OR10J1: variants seen among roughly 807,000 people sequenced by gnomAD.
OR10J1 encodes the protein olfactory receptor 10J1.
For synonymous variants in OR10J1, 202 were observed against 143.8 expected (o/e 1.40, Z -2.89); for missense variants, 474 against 376.6 (o/e 1.26, Z -2.14).
At chr1:159,426,425 G>A in the OR10J1 span, among the ~76,000 whole-genome samples, 2 of 151,744 alleles carry the variant, frequency 1.3e-5, no homozygotes, top group Non-Finnish European at 3.0e-5. Context: ...ATTATTTAAA[G>A]TGAAAACAAC....
At chr1:159,416,352 T>G in the OR10J1 span, among the ~76,000 whole-genome samples, 3 of 152,148 alleles carry the variant, frequency 2.0e-5, no homozygotes, top group Non-Finnish European at 4.4e-5. Context: ...TCAGGTATGA[T>G]CTTTCTTTGC....
At chr1:159,433,207 A>T, upstream of OR10J1, 1 of 397,636 alleles carries the variant, frequency 2.5e-6, no homozygotes, top group Non-Finnish European at 4.4e-6. Context: ...AGGGACAATA[A>T]GATGAGAGAT....
the OR10J1 span, among the ~76,000 whole-genome samples, chr1:159,417,473 A>G: frequency 5.7e-3 from 874 of 152,282 alleles, 6 homozygotes; most frequent in African/African-American, 0.02. Context: ...ATAATAGTGA[A>G]TAAGTCTTAC....
the OR10J1 span, among the ~76,000 whole-genome samples, chr1:159,431,399 G>A: frequency 5.2e-3 from 787 of 152,282 alleles, 11 homozygotes; most frequent in African/African-American, 0.017. Flanking sequence ...CAGGAGAATG[G>A]TCCTCTCTTG....
chr1:159,406,745 G>A, the OR10J1 span, among the ~76,000 whole-genome samples: 1 of 152,128 alleles, frequency 6.6e-6, no homozygotes, highest in African/African-American at 2.4e-5. Context: ...CTTAATCTGA[G>A]CCTTTGATGA....
At chr1:159,400,753 A>T in the OR10J1 span, among the ~76,000 whole-genome samples, 3 of 151,926 alleles carry the variant, frequency 2.0e-5, no homozygotes, top group Non-Finnish European at 4.4e-5. Context: ...CTTATTCTGC[A>T]CTATAGACCA....
the OR10J1 span, among the ~76,000 whole-genome samples, chr1:159,430,534 A>T: frequency 6.6e-6 from 1 of 152,092 alleles, no homozygotes; most frequent in African/African-American, 2.4e-5. Context: ...GTTGGAAGAG[A>T]AGTGAGTATG....
rs1482907630 is a variant in OR10J1, at chr1:159,439,945, G to T, written c.154G>T (p.Asp52Tyr). Residue 52 changes from aspartate to tyrosine, a missense_variant, in exon 1 of 1, where the codon GAT becomes TAT. Coordinates refer to ENST00000423932, the MANE Select transcript of OR10J1 (RefSeq NM_012351.3). ...CATCATTGTGACCATCATCCGAATG[G>T]ATCTTCATCTTCACACACCCATGTA... ...NIIIVTIIRM[D>Y]LHLHTPMYFF... 3 of 1,614,014 alleles carry T rather than the reference G, an allele frequency of 1.9e-6. No homozygotes were observed. The highest frequency in any genetic ancestry group is 2.5e-6 in the Non-Finnish European group (3 of 1,179,980).
chr1:159,410,145 T>G, the OR10J1 span, among the ~76,000 whole-genome samples: 1 of 152,178 alleles, frequency 6.6e-6, no homozygotes, highest in Non-Finnish European at 1.5e-5. Flanking sequence ...TCAAGGATAT[T>G]GGTCTAAAAT....
chr1:159,398,549 A>T, the OR10J1 span, among the ~76,000 whole-genome samples: 1 of 152,228 alleles, frequency 6.6e-6, no homozygotes, highest in Non-Finnish European at 1.5e-5. Context: ...GATATATTTA[A>T]CAAAGAGATT....
At chr1:159,419,947 T>C in the OR10J1 span, among the ~76,000 whole-genome samples, 2 of 152,222 alleles carry the variant, frequency 1.3e-5, no homozygotes, top group Non-Finnish European at 2.9e-5. Context: ...ACTACTATTG[T>C]ATTGGAGTCT....
At chr1:159,408,094 A>C in the OR10J1 span, among the ~76,000 whole-genome samples, 1 of 152,062 alleles carries the variant, frequency 6.6e-6, no homozygotes, top group Non-Finnish European at 1.5e-5. Context: ...TGTTGCAGGC[A>C]GCATCAAGTA....
At chr1:159,437,641 A>T (rs894448310), upstream of OR10J1, among the ~76,000 whole-genome samples, 1 of 152,162 alleles carries the variant, frequency 6.6e-6, no homozygotes, top group Admixed American at 6.5e-5. Context: ...CTAGCCTGGA[A>T]TTGAGTAAAT....
the OR10J1 span, among the ~76,000 whole-genome samples, chr1:159,411,147 G>A: frequency 3.3e-5 from 5 of 151,532 alleles, no homozygotes; most frequent in African/African-American, 1.2e-4. Context: ...AATAGGTGTG[G>A]TGTGGTGCTG....
the OR10J1 span, among the ~76,000 whole-genome samples, chr1:159,430,056 G>C: frequency 2.0e-5 from 3 of 151,962 alleles, no homozygotes; most frequent in East Asian, 5.8e-4. Context: ...GTGACCTCGT[G>C]GCCCTCATCT....
chr1:159,402,582 C>T, the OR10J1 span, among the ~76,000 whole-genome samples: 12 of 151,766 alleles, frequency 7.9e-5, no homozygotes, highest in Non-Finnish European at 1.8e-4. Context: ...ATAATGAAAA[C>T]TATAAAACAC....
chr1:159,431,693 C>G, the OR10J1 span, among the ~76,000 whole-genome samples: 1 of 152,244 alleles, frequency 6.6e-6, no homozygotes, highest in African/African-American at 2.4e-5. Context: ...CTTCAAGTAC[C>G]TATACAACCG....
upstream of OR10J1, among the ~76,000 whole-genome samples, chr1:159,436,029 A>G (rs1441132587): frequency 6.6e-6 from 1 of 152,136 alleles, no homozygotes; most frequent in African/African-American, 2.4e-5. Context: ...AAATCTGTGA[A>G]AGTGTTTGAT....
upstream of OR10J1, among the ~76,000 whole-genome samples, chr1:159,437,148 A>C: frequency 6.6e-6 from 1 of 152,236 alleles, no homozygotes; most frequent in South Asian, 2.1e-4. Flanking sequence ...AGACAGTTAG[A>C]AGCTTACCAA....
Sources: gnomAD v4.1 joint callset for allele counts (sites outside exome capture counted in the v4.1 genomes callset) on GRCh38, gnomAD v4.1.1 for gene constraint, MANE v1.5 for transcripts, NCBI Gene and HGNC (gene_info 2026-07-23, HGNC 2026-07-21) for gene names.